Variants in TNFSF13B observed in about 807,000 individuals in gnomAD.
The protein encoded by TNFSF13B is TNF superfamily member 13b.
A neutral mutation model predicts 29.1 loss-of-function variants in TNFSF13B; 8 were observed. The ratio of observed to expected loss-of-function variants is 0.27; its 90% CI spans 0.16 to 0.50. TNFSF13B has a LOEUF of 0.50. TNFSF13B is among the 20% of genes least tolerant of loss of function. The pLI is 0.98. For missense variants in TNFSF13B, 248 were observed against 334.9 expected, an observed-to-expected ratio of 0.74 and a Z score of 2.03; for synonymous variants, 125 against 130.8, an observed-to-expected ratio of 0.96 and a Z score of 0.30.
rs1881443648 is a variant in TNFSF13B, at chr13:108,295,702, TG to T, written c.482-7550del. ...ATTTCTTTCTGAGTGCTACTTTCAC[TG>T]CTTCCTATGAATATTGCTATGCTGT... On this transcript the variant is annotated intron_variant, in intron 3 of 5. Transcript: ENST00000375887. Among the ~76,000 whole-genome samples, 2 of 145,896 alleles carry T rather than the reference TG, an allele frequency of 1.4e-5. 1 individual carries two copies. Among genetic ancestry groups the T allele is most frequent in the Non-Finnish European group, 3.0e-5 (2 of 65,692 alleles).
chr13:108,292,520 A>G (rs1307409609), intron 3 of TNFSF13B, among the ~76,000 whole-genome samples: 2 of 152,118 alleles, frequency 1.3e-5, no homozygotes, highest in African/African-American at 4.8e-5. Context: ...TGTTCTCTAC[A>G]GTGCTGCAAC....
intron 2 of TNFSF13B, among the ~76,000 whole-genome samples, chr13:108,274,806 TATTA>T (rs1331221413): frequency 2.6e-5 from 4 of 152,178 alleles, no homozygotes; most frequent in East Asian, 1.9e-4. Context: ...TGTTCATATT[TATTA>T]ATTGTCTACA....
chr13:108,283,313 C>CATG (rs1881014594), intron 2 of TNFSF13B, among the ~76,000 whole-genome samples: 3 of 152,234 alleles, frequency 2.0e-5, no homozygotes, highest in Non-Finnish European at 2.9e-5. Flanking sequence ...GCAATTTCAC[C>CATG]ATTGTGCAAA....
chr13:108,284,933 T>C (rs1175850017), intron 2 of TNFSF13B, among the ~76,000 whole-genome samples: 1 of 152,222 alleles, frequency 6.6e-6, no homozygotes, highest in African/African-American at 2.4e-5. Context: ...ATTCCTTTCT[T>C]TCATGCTGTC....
At chr13:108,289,763 C>A (rs1881254598) in intron 3 of TNFSF13B, among the ~76,000 whole-genome samples, 1 of 151,748 alleles carries the variant, frequency 6.6e-6, no homozygotes, top group South Asian at 2.1e-4. Flanking sequence ...GGGCTACGTT[C>A]ATCTGATATT....
At chr13:108,278,589 CCCCTT>C (rs1566399296) in intron 2 of TNFSF13B, among the ~76,000 whole-genome samples, 3 of 116,174 alleles carry the variant, frequency 2.6e-5, no homozygotes, top group Non-Finnish European at 5.6e-5. Flanking sequence ...TCCTCCTCCT[CCCCTT>C]CTCTTCCTCC....
intron 3 of TNFSF13B, among the ~76,000 whole-genome samples, chr13:108,291,574 C>A (rs950963336): frequency 2.6e-5 from 4 of 151,910 alleles, no homozygotes; most frequent in South Asian, 2.1e-4. Flanking sequence ...CATGATATAT[C>A]TTTTCAATAT....
rs560403248 is a variant in TNFSF13B at position 108,293,352 on chromosome 13, G to A, written c.481+6493G>A. The stretch of plus-strand genomic sequence containing the variant: ...TGTTATAGTAAATTTTGAAATTTAG[G>A]ATAGTGAATCCTTCAATCTTGTTAT... On this transcript the variant is annotated intron_variant, in intron 3 of 5. Coordinates refer to ENST00000375887, the MANE Select transcript of TNFSF13B (RefSeq NM_006573.5). 2.0e-5 allele frequency among the ~76,000 whole-genome samples: 3 copies of A among 152,236 alleles called. No homozygotes were observed. In the East Asian group the frequency reaches 5.8e-4, roughly 29 times the overall value.
At chr13:108,306,304 A>T (rs1276810086) in intron 5 of TNFSF13B, among the ~76,000 whole-genome samples, 1 of 152,096 alleles carries the variant, frequency 6.6e-6, no homozygotes, top group Admixed American at 6.6e-5. Flanking sequence ...GACTCTCAAG[A>T]AAAACTATAT....
chr13:108,293,442 G>A (rs1171096465), intron 3 of TNFSF13B, among the ~76,000 whole-genome samples: 1 of 152,018 alleles, frequency 6.6e-6, no homozygotes, highest in Admixed American at 6.6e-5. Context: ...TGTAAGGCTG[G>A]CTTTTTCATT....
chr13:108,284,890 G>T (rs182500086), intron 2 of TNFSF13B, among the ~76,000 whole-genome samples: 2 of 152,178 alleles, frequency 1.3e-5, no homozygotes, highest in East Asian at 3.9e-4. Flanking sequence ...GAGACTGTAC[G>T]CTTGGGGCTT....
At chr13:108,303,131 T>G (rs2139070500) in intron 3 of TNFSF13B, 122 bp from the exon 4 acceptor site, 1 of 750,200 alleles carries the variant, frequency 1.3e-6, no homozygotes, top group East Asian at 2.8e-5. Flanking sequence ...TTTTCTTTCT[T>G]TCTTTCTTTT....
At chr13:108,289,215 C>T (rs1881233237) in intron 3 of TNFSF13B, among the ~76,000 whole-genome samples, 1 of 151,950 alleles carries the variant, frequency 6.6e-6, no homozygotes, top group African/African-American at 2.4e-5. Context: ...TGCTATACTC[C>T]AATGTGCGTG....
intron 3 of TNFSF13B, among the ~76,000 whole-genome samples, chr13:108,298,643 C>T (rs2139065819): frequency 6.9e-6 from 1 of 145,282 alleles, no homozygotes; most frequent in Non-Finnish European, 1.5e-5. Flanking sequence ...TCTTTAGACT[C>T]AGTTTGTTGA....
chr13:108,299,278 G>C (rs970653141), intron 3 of TNFSF13B, among the ~76,000 whole-genome samples: 4 of 145,412 alleles, frequency 2.8e-5, no homozygotes, highest in South Asian at 4.3e-4. Flanking sequence ...TTGTAATAAT[G>C]ACTTTATTCT....
chr13:108,285,102 G>A (rs1881085516), intron 2 of TNFSF13B, among the ~76,000 whole-genome samples: 2 of 152,058 alleles, frequency 1.3e-5, no homozygotes, highest in Admixed American at 6.5e-5. Flanking sequence ...GGACCAAAAT[G>A]CTCTGCTCCT....
At chr13:108,286,322 T>C (rs1315100727) in intron 2 of TNFSF13B, among the ~76,000 whole-genome samples, 1 of 152,282 alleles carries the variant, frequency 6.6e-6, no homozygotes, top group East Asian at 1.9e-4. Flanking sequence ...TGGTACACTG[T>C]CTGCACTTAA....
intron 3 of TNFSF13B, among the ~76,000 whole-genome samples, chr13:108,287,212 T>C (rs1412524933): frequency 2.0e-5 from 3 of 152,090 alleles, no homozygotes; most frequent in African/African-American, 7.2e-5. Context: ...ATGGCACATG[T>C]ATACATATGA....
At chr13:108,278,600 C>T (rs199668605) in intron 2 of TNFSF13B, among the ~76,000 whole-genome samples, 2 of 210 alleles carry the variant, frequency 9.5e-3, no homozygotes, top group Non-Finnish European at 0.01. Flanking sequence ...CCCTTCTCTT[C>T]CTCCTCCTCC....
Sources: allele counts gnomAD v4.1 joint callset (sites outside exome capture counted in the v4.1 genomes callset), GRCh38; gene constraint gnomAD v4.1.1; transcripts MANE v1.5; gene names NCBI Gene and HGNC (gene_info 2026-07-23, HGNC 2026-07-21).